ADGRF5: variants seen among roughly 807,000 people sequenced by gnomAD.
The protein encoded by ADGRF5 is adhesion G protein-coupled receptor F5, also known as G-protein coupled receptor 116.
Under a neutral mutation model 132.3 loss-of-function variants are expected in ADGRF5, and 75 were observed. The ratio of observed to expected loss-of-function variants is 0.57; its 90% CI spans 0.47 to 0.69. The LOEUF is 0.69. Among genes scored for constraint, ADGRF5 ranks in the 30% least tolerant of loss-of-function variants. The pLI, the probability that ADGRF5 is intolerant of heterozygous loss-of-function variation, is 0.00. For missense variants in ADGRF5, 1,516 were observed against 1,630.6 expected (o/e 0.93, Z 1.21); for synonymous variants, 629 against 597.6 (o/e 1.05, Z -0.77).
At chr6:46,942,088 C>A (rs1350251667) in intron 1 of ADGRF5, among the ~76,000 whole-genome samples, 1 of 152,194 alleles carries the variant, frequency 6.6e-6, no homozygotes, top group Non-Finnish European at 1.5e-5. Context: ...TGCCAACTCT[C>A]ACTGTCCTTC....
chr6:46,881,740 T>A (rs1446993015), intron 7 of ADGRF5, 143 bp from the exon 8 acceptor site: 5 of 676,660 alleles, frequency 7.4e-6, no homozygotes, highest in Non-Finnish European at 1.3e-5. Context: ...GCCAGCAGGA[T>A]CTTCTGGAAG....
At chr6:46,877,299 CT>C (rs1395606353) in intron 10 of ADGRF5, among the ~76,000 whole-genome samples, 32 of 94,826 alleles carry the variant, frequency 3.4e-4, no homozygotes, top group African/African-American at 1.1e-3. Flanking sequence ...TTCTCTCTCT[CT>C]CTCTCTTTCC....
intron 3 of ADGRF5, among the ~76,000 whole-genome samples, chr6:46,898,556 A>G (rs947192790): frequency 1.3e-5 from 2 of 152,178 alleles, no homozygotes; most frequent in African/African-American, 2.4e-5. Flanking sequence ...AAAAGAAAAG[A>G]AAGGGAAGAG....
intron 3 of ADGRF5, 142 bp from the exon 4 acceptor site, chr6:46,888,647 C>T: frequency 1.6e-6 from 1 of 637,254 alleles, no homozygotes; most frequent in Non-Finnish European, 2.8e-6. Flanking sequence ...CTAATGAAAT[C>T]TTTAGAGAAA....
In ADGRF5 at chr6:46,871,935, G is replaced by A. The variant is rs375286794; in HGVS notation, c.1319C>T (p.Ser440Leu). ...AGTGTAGATGACTGTTGTTCCAGACGACCCGCTTGGGCACTGGGTTCCATC... is the reference window on the plus strand; with the variant it reads ...AGTGTAGATGACTGTTGTTCCAGACAACCCGCTTGGGCACTGGGTTCCATC... Reference protein sequence around the residue: ...KADGTQCPSGSSGTTVIYTCE... With the variant: ...KADGTQCPSGLSGTTVIYTCE... The change falls in exon 11 of 21, where the codon TCG becomes TTG. Residue 440 changes from serine to leucine, a missense_variant. Coordinates refer to ENST00000283296, the MANE Select transcript of ADGRF5 (RefSeq NM_001098518.2). 11 of 1,612,244 alleles carry A rather than the reference G, an allele frequency of 6.8e-6. No homozygotes were observed. The highest frequency in any genetic ancestry group is 1.7e-5 in the Admixed American group (1 of 59,914).
intron 2 of ADGRF5, chr6:46,905,145 C>T (rs1358931610): frequency 6.6e-6 from 1 of 152,296 alleles, no homozygotes; most frequent in African/African-American, 2.4e-5. Context: ...AACCCCATTG[C>T]TGAGATCACC....
chr6:46,892,640 C>T (rs1233781584), intron 3 of ADGRF5, among the ~76,000 whole-genome samples: 1 of 152,038 alleles, frequency 6.6e-6, no homozygotes, highest in Non-Finnish European at 1.5e-5. Context: ...ATCCCAGCTA[C>T]TTGGGAGGCT....
intron 10 of ADGRF5, among the ~76,000 whole-genome samples, chr6:46,873,245 T>C (rs1771286018): frequency 6.6e-6 from 1 of 152,154 alleles, no homozygotes; most frequent in Non-Finnish European, 1.5e-5. Flanking sequence ...GAATGCTCCC[T>C]AGCCACCACT....
At chr6:46,885,806 T>C (rs1183995102) in intron 4 of ADGRF5, among the ~76,000 whole-genome samples, 1 of 152,226 alleles carries the variant, frequency 6.6e-6, no homozygotes, top group Non-Finnish European at 1.5e-5. Context: ...AGTTTATACG[T>C]GTATAGAAGT....
chr6:46,870,104 A>G (rs1345036472), intron 11 of ADGRF5, among the ~76,000 whole-genome samples: 1 of 152,028 alleles, frequency 6.6e-6, no homozygotes, highest in East Asian at 1.9e-4. Flanking sequence ...TCATTTTGTG[A>G]GCCCACTGAT....
intron 10 of ADGRF5, among the ~76,000 whole-genome samples, chr6:46,872,681 A>G (rs562917012): frequency 6.6e-6 from 1 of 152,150 alleles, no homozygotes; most frequent in East Asian, 1.9e-4. Flanking sequence ...TTTCCCAGAA[A>G]TACCATGCCC....
rs150811486 is a variant in ADGRF5 at position 46,901,414 on chromosome 6, C to T, written c.103-1331G>A. Reference sequence around the variant, plus strand: ...TCTGTGCTTTACCCTGAACTCCACGCATCCATGACCGCCACCTGGGGCAGA... The same window carrying T: ...TCTGTGCTTTACCCTGAACTCCACGTATCCATGACCGCCACCTGGGGCAGA... On this transcript the variant is annotated intron_variant, in intron 2 of 20. Coordinates refer to ENST00000283296, the MANE Select transcript of ADGRF5 (RefSeq NM_001098518.2). Among the ~76,000 whole-genome samples the T allele has an allele frequency of 6.3e-3, 966 of 152,304 alleles. 8 individuals carry two copies. The highest frequency in any genetic ancestry group is 0.02 in the African/African-American group (848 of 41,544).
At chr6:46,903,036 T>A (rs996972) in intron 2 of ADGRF5, among the ~76,000 whole-genome samples, 2,083 of 152,304 alleles carry the variant, frequency 0.014, 55 homozygotes, top group African/African-American at 0.047. Context: ...TGCTGAGGCA[T>A]GTCAGGTGCT....
At position 46,858,453 on chromosome 6, in the gene ADGRF5, G is replaced by C; in HGVS notation, c.3450C>G (p.Thr1150=). The C allele has an allele frequency of 6.2e-7, 1 of 1,613,934 alleles. No homozygotes were observed. Among genetic ancestry groups the C allele is most frequent in the Non-Finnish European group, 8.5e-7 (1 of 1,179,858 alleles). ...TCCTCGTATAGACTTCCCGGGGCTG[G>C]GTGGCTCCCAGCGTGATGACCGAGA... ...LAISVITLGA[T]QPREVYTRKN... The change falls in exon 17 of 21, where the codon ACC becomes ACG. Residue 1150 remains threonine, a synonymous_variant. Transcript: ENST00000283296.
intron 2 of ADGRF5, among the ~76,000 whole-genome samples, chr6:46,904,995 G>A (rs991128212): frequency 6.6e-6 from 1 of 152,188 alleles, no homozygotes; most frequent in African/African-American, 2.4e-5. Flanking sequence ...TAGGAGGTCA[G>A]CTTATCCCCT....
At chr6:46,871,601 G>A (rs531872194) in intron 11 of ADGRF5, among the ~76,000 whole-genome samples, 23 of 152,232 alleles carry the variant, frequency 1.5e-4, no homozygotes, top group African/African-American at 4.1e-4. Context: ...ATGCCCCGGG[G>A]TTCCTTCCTG....
chr6:46,913,182 G>T (rs1341225230), intron 1 of ADGRF5, among the ~76,000 whole-genome samples: 3 of 152,100 alleles, frequency 2.0e-5, no homozygotes, highest in African/African-American at 2.4e-5. Flanking sequence ...TGGAGTCAAG[G>T]AAACCGGGGA....
chr6:46,856,491 A>T (rs1769063769), intron 19 of ADGRF5, among the ~76,000 whole-genome samples: 1 of 152,244 alleles, frequency 6.6e-6, no homozygotes, highest in South Asian at 2.1e-4. Flanking sequence ...GTAGCATCTC[A>T]ATGACAGCTC....
chr6:46,859,780 C>G (rs1304248363), intron 16 of ADGRF5, among the ~76,000 whole-genome samples: 2 of 151,574 alleles, frequency 1.3e-5, no homozygotes, highest in Non-Finnish European at 2.9e-5. Context: ...ACACCCTACT[C>G]TCTAAGGCCA....
Sources: allele counts gnomAD v4.1 joint callset (sites outside exome capture counted in the v4.1 genomes callset), GRCh38; gene constraint gnomAD v4.1.1; transcripts MANE v1.5; gene names NCBI Gene and HGNC (gene_info 2026-07-23, HGNC 2026-07-21).